ANKRD45: variants seen among roughly 807,000 people sequenced by gnomAD.
ANKRD45 encodes the protein ankyrin repeat domain 45.
ANKRD45 carries 21 observed loss-of-function variants against 28.1 expected under a neutral mutation model. That is an observed-to-expected ratio of 0.75 (90% CI 0.53 to 1.08). ANKRD45 has a LOEUF of 1.08. Among genes scored for constraint, ANKRD45 ranks in the 50% least tolerant of loss-of-function variants. The probability of loss-of-function intolerance (pLI) is 0.00; values close to 1 mark genes in which losing one functional copy is unlikely to be tolerated. For synonymous variants in ANKRD45, 86 were observed against 103.9 expected (o/e 0.83, Z 1.05); for missense variants, 261 against 308.7 (o/e 0.85, Z 1.16).
chr1:173,618,776 A>G (rs1667577301), intron 5 of ANKRD45, among the ~76,000 whole-genome samples: 2 of 152,218 alleles, frequency 1.3e-5, no homozygotes, highest in Non-Finnish European at 1.5e-5. Flanking sequence ...CAAATTCAGG[A>G]AATCCAGAGA....
chr1:173,620,983 CACT>C (rs1369531865), intron 5 of ANKRD45, among the ~76,000 whole-genome samples: 8 of 152,148 alleles, frequency 5.3e-5, no homozygotes, highest in Admixed American at 2.6e-4. Context: ...TTGATATCAC[CACT>C]GATTCCACAT....
At chr1:173,692,006 C>G in the ANKRD45 span, among the ~76,000 whole-genome samples, 1 of 152,024 alleles carries the variant, frequency 6.6e-6, no homozygotes, top group Non-Finnish European at 1.5e-5. Flanking sequence ...TGGCAGAAGT[C>G]AGGGTCGAGC....
chr1:173,665,044 G>C, intron 1 of ANKRD45, among the ~76,000 whole-genome samples: 1 of 152,006 alleles, frequency 6.6e-6, no homozygotes, highest in East Asian at 1.9e-4. Context: ...CAAGCACATG[G>C]GGAACATTTA....
chr1:173,703,124 C>T, the ANKRD45 span, among the ~76,000 whole-genome samples: 1 of 152,110 alleles, frequency 6.6e-6, no homozygotes, highest in Non-Finnish European at 1.5e-5. Flanking sequence ...CAACCTCCAC[C>T]TCCTGGGTTC....
intron 5 of ANKRD45, among the ~76,000 whole-genome samples, chr1:173,621,849 G>A (rs1667719821): frequency 6.6e-6 from 1 of 152,024 alleles, no homozygotes; most frequent in Admixed American, 6.6e-5. Flanking sequence ...TTCAAATAGG[G>A]ACAGAGGAAG....
At chr1:173,684,856 T>A in the ANKRD45 span, among the ~76,000 whole-genome samples, 1 of 152,234 alleles carries the variant, frequency 6.6e-6, no homozygotes, top group Non-Finnish European at 1.5e-5. Context: ...AGTTAATAGA[T>A]CACCGTTGGT....
chr1:173,663,091 A>ACACACACC (rs1176631341), intron 1 of ANKRD45, among the ~76,000 whole-genome samples: 5 of 146,132 alleles, frequency 3.4e-5, no homozygotes, highest in African/African-American at 1.3e-4. Flanking sequence ...ACACACACAC[A>ACACACACC]CCTTCTTTAA....
chr1:173,657,562 A>G (rs988250004), intron 2 of ANKRD45: 1 of 146,886 alleles, frequency 6.8e-6, no homozygotes, highest in East Asian at 2.0e-4. Context: ...AGTGAACCCA[A>G]TTTTGGTATT....
At chr1:173,638,859 C>A (rs1011834106) in intron 3 of ANKRD45, among the ~76,000 whole-genome samples, 4 of 152,194 alleles carry the variant, frequency 2.6e-5, no homozygotes, top group African/African-American at 9.7e-5. Context: ...AAAAAACACT[C>A]GTGTCTAGAT....
intron 3 of ANKRD45, among the ~76,000 whole-genome samples, chr1:173,642,835 T>C (rs935790506): frequency 7.9e-5 from 12 of 152,244 alleles, no homozygotes; most frequent in African/African-American, 1.2e-4. Flanking sequence ...TGTGAGGTCC[T>C]ATTCCAGCCA....
the ANKRD45 span, among the ~76,000 whole-genome samples, chr1:173,685,872 A>G: frequency 6.6e-6 from 1 of 152,222 alleles, no homozygotes; most frequent in African/African-American, 2.4e-5. Flanking sequence ...AATGACCTGT[A>G]TAGAATTACA....
At chr1:173,670,678 C>T (rs1269421502), upstream of ANKRD45, among the ~76,000 whole-genome samples, 3 of 152,122 alleles carry the variant, frequency 2.0e-5, no homozygotes, top group African/African-American at 7.2e-5. Flanking sequence ...CCCCTATCCC[C>T]CACCAGGAAT....
intron 1 of ANKRD45, among the ~76,000 whole-genome samples, chr1:173,666,281 A>G (rs570760305): frequency 1.1e-4 from 17 of 152,260 alleles, no homozygotes; most frequent in African/African-American, 3.9e-4. Flanking sequence ...CTGGATCTCC[A>G]GCTTGCTGAA....
chr1:173,625,022 G>A (rs1667868029), intron 4 of ANKRD45, 97 bp from the exon 5 acceptor site: 1 of 1,274,918 alleles, frequency 7.8e-7, no homozygotes, highest in Non-Finnish European at 1.1e-6. Flanking sequence ...AACTTTCTGT[G>A]ATGATAGAAA....
chr1:173,706,284 AG>A, the ANKRD45 span, among the ~76,000 whole-genome samples: 1 of 143,100 alleles, frequency 7.0e-6, no homozygotes, highest in African/African-American at 2.7e-5. Flanking sequence ...CCTGGACAAC[AG>A]AGCAAGATTC....
chr1:173,615,383 CAAA>C (rs60479508), intron 5 of ANKRD45, among the ~76,000 whole-genome samples: 17 of 87,640 alleles, frequency 1.9e-4, no homozygotes, highest in Non-Finnish European at 1.9e-4. Context: ...GACTCCGTCT[CAAA>C]AAAAAAAAAA....
chr1:173,673,197 G>A (rs1670313140), upstream of ANKRD45, among the ~76,000 whole-genome samples: 1 of 148,494 alleles, frequency 6.7e-6, no homozygotes, highest in Non-Finnish European at 1.5e-5. Flanking sequence ...TGCAACCTCC[G>A]CCTCTTGGGT....
At chr1:173,672,662 C>T (rs1056045575), upstream of ANKRD45, among the ~76,000 whole-genome samples, 3 of 152,218 alleles carry the variant, frequency 2.0e-5, no homozygotes, top group South Asian at 2.1e-4. Flanking sequence ...GTGAGCTCCA[C>T]TTGAACTCCA....
chr1:173,660,831 G>A (rs1380521055), intron 1 of ANKRD45, among the ~76,000 whole-genome samples: 7 of 152,138 alleles, frequency 4.6e-5, no homozygotes, highest in African/African-American at 1.7e-4. Context: ...TATGGCCTCA[G>A]GCAACACCTT....
Sources: gnomAD v4.1 joint callset for allele counts (sites outside exome capture counted in the v4.1 genomes callset) on GRCh38, gnomAD v4.1.1 for gene constraint, MANE v1.5 for transcripts, NCBI Gene and HGNC (gene_info 2026-07-23, HGNC 2026-07-21) for gene names.